The following TENM4 variants were observed in gnomAD, a reference collection of about 807,000 sequenced individuals.
TENM4 encodes teneurin-4.
Under a neutral mutation model 243.3 loss-of-function variants are expected in TENM4, and 82 were observed. The ratio of observed to expected loss-of-function variants is 0.34; its 90% CI spans 0.28 to 0.40. The LOEUF (loss-of-function observed/expected upper bound fraction) is 0.40, where lower values mean the gene tolerates loss of function less well. Ranked by LOEUF, TENM4 falls within the 10% of genes least tolerant of loss-of-function variation. The probability of loss-of-function intolerance (pLI) is 1.00; values close to 1 mark genes in which losing one functional copy is unlikely to be tolerated. For synonymous variants in TENM4, 1,412 were observed against 1,456.3 expected (o/e 0.97, Z 0.69); for missense variants, 3,138 against 3,673.3 (o/e 0.85, Z 3.77).
intron 4 of TENM4, among the ~76,000 whole-genome samples, chr11:79,075,087 C>T (rs975809812): frequency 2.6e-5 from 4 of 152,216 alleles, no homozygotes; most frequent in Non-Finnish European, 4.4e-5. Context: ...CAATCATCAT[C>T]GTCATTGAAC....
chr11:79,280,287 A>G (rs1291573644), intron 2 of TENM4, among the ~76,000 whole-genome samples: 1 of 152,192 alleles, frequency 6.6e-6, no homozygotes, highest in Non-Finnish European at 1.5e-5. Flanking sequence ...AAAGAGCTCC[A>G]AAAGGCCTAC....
chr11:79,321,578 C>G (rs952887228), intron 1 of TENM4, among the ~76,000 whole-genome samples: 9 of 144,918 alleles, frequency 6.2e-5, no homozygotes, highest in African/African-American at 2.3e-4. Flanking sequence ...AGCAGGCGAT[C>G]TCAGTTCAAA....
chr11:78,753,332 A>T (rs914518325), intron 19 of TENM4, among the ~76,000 whole-genome samples: 3 of 152,212 alleles, frequency 2.0e-5, no homozygotes, highest in African/African-American at 7.2e-5. Flanking sequence ...AGGTTAAATC[A>T]TTTCCCTGAG....
intron 1 of TENM4, among the ~76,000 whole-genome samples, chr11:79,321,108 C>T (rs1434329638): frequency 6.6e-6 from 1 of 152,162 alleles, no homozygotes; most frequent in African/African-American, 2.4e-5. Context: ...GCTGGCTGTA[C>T]AACATTAGAC....
rs76645822 is a variant in TENM4 at position 78,913,394 on chromosome 11, A to G, written c.494-9871T>C. On this transcript the variant is annotated intron_variant, in intron 6 of 33. Coordinates refer to ENST00000278550, the MANE Select transcript of TENM4 (RefSeq NM_001098816.3). Reference sequence around the variant, plus strand: ...GAGGGGTGGGATCTTTTCTGGATACATGCTTTCCCCCAACTTAAAGCTGTG... The same window carrying G: ...GAGGGGTGGGATCTTTTCTGGATACGTGCTTTCCCCCAACTTAAAGCTGTG... Among the ~76,000 whole-genome samples, 812 of 152,294 alleles carry G rather than the reference A, an allele frequency of 5.3e-3. 7 individuals are homozygous for G. The highest frequency in any genetic ancestry group is 0.018 in the African/African-American group (751 of 41,566).
chr11:79,355,430 G>A (rs539523722), intron 1 of TENM4, among the ~76,000 whole-genome samples: 92 of 152,258 alleles, frequency 6.0e-4, no homozygotes, highest in African/African-American at 2.1e-3. Context: ...CTACTCGGGA[G>A]GCTGAGGCAA....
intron 22 of TENM4, among the ~76,000 whole-genome samples, chr11:78,726,999 A>C (rs533573689): frequency 6.6e-6 from 1 of 152,326 alleles, no homozygotes; most frequent in South Asian, 2.1e-4. Context: ...CTAAAGGTTC[A>C]AGAGGGGTGA....
intron 22 of TENM4, 63 bp from the exon 23 acceptor site, chr11:78,726,285 C>T (rs548846547): frequency 2.2e-4 from 350 of 1,556,152 alleles, no homozygotes; most frequent in Non-Finnish European, 2.9e-4. Context: ...GGCCTTTAGA[C>T]CTGTAGGCAA....
At chr11:79,216,152 C>G (rs868040350) in intron 2 of TENM4, among the ~76,000 whole-genome samples, 1 of 152,216 alleles carries the variant, frequency 6.6e-6, no homozygotes, top group Non-Finnish European at 1.5e-5. Flanking sequence ...GTTCTCCCAT[C>G]TCATCTTGTG....
At chr11:79,334,907 A>C (rs1276946991) in intron 1 of TENM4, among the ~76,000 whole-genome samples, 1 of 152,120 alleles carries the variant, frequency 6.6e-6, no homozygotes, top group Non-Finnish European at 1.5e-5. Context: ...CCAACTTCCC[A>C]TGATTTCTTT....
At chr11:78,922,425 T>G (rs1856466896) in intron 6 of TENM4, among the ~76,000 whole-genome samples, 1 of 152,208 alleles carries the variant, frequency 6.6e-6, no homozygotes, top group Non-Finnish European at 1.5e-5. Flanking sequence ...AAATACTTCT[T>G]TAAATCTCTG....
chr11:78,814,496 G>T, intron 12 of TENM4, 101 bp from the exon 13 acceptor site: 1 of 921,608 alleles, frequency 1.1e-6, no homozygotes, highest in Non-Finnish European at 1.7e-6. Flanking sequence ...ACATATTTGA[G>T]CTCTTGTGGC....
chr11:78,668,545 C>G (rs770074512), intron 32 of TENM4, among the ~76,000 whole-genome samples: 35 of 152,134 alleles, frequency 2.3e-4, no homozygotes, highest in Middle Eastern at 6.8e-3. Context: ...GTCAGAAACT[C>G]CTAAAGTGCA....
intron 27 of TENM4, among the ~76,000 whole-genome samples, chr11:78,706,533 C>T (rs935898647): frequency 2.0e-5 from 3 of 152,118 alleles, no homozygotes; most frequent in Admixed American, 6.5e-5. Context: ...AAATAGATGC[C>T]AGTATTGGAG....
chr11:79,350,744 C>G (rs1282854090), intron 1 of TENM4, among the ~76,000 whole-genome samples: 1 of 152,036 alleles, frequency 6.6e-6, no homozygotes, highest in Non-Finnish European at 1.5e-5. Context: ...CTGGCCCTGT[C>G]ACAGTCTTCT....
intron 7 of TENM4, among the ~76,000 whole-genome samples, chr11:78,895,284 C>T (rs1421929347): frequency 2.0e-5 from 3 of 151,004 alleles, no homozygotes; most frequent in African/African-American, 4.9e-5. Flanking sequence ...TGCAGTGAGC[C>T]GGCGATTATG....
intron 19 of TENM4, among the ~76,000 whole-genome samples, chr11:78,754,779 T>C (rs1334488315): frequency 6.6e-6 from 1 of 152,170 alleles, no homozygotes; most frequent in African/African-American, 2.4e-5. Context: ...ACTAGCCTTG[T>C]GAATTTGGGA....
intron 3 of TENM4, among the ~76,000 whole-genome samples, chr11:79,166,103 A>G (rs1862907985): frequency 6.6e-6 from 1 of 152,212 alleles, no homozygotes; most frequent in Non-Finnish European, 1.5e-5. Flanking sequence ...GTTCTACTGC[A>G]TGTCTCAGCC....
chr11:79,008,712 T>C (rs970593268), intron 6 of TENM4, among the ~76,000 whole-genome samples: 3 of 152,214 alleles, frequency 2.0e-5, no homozygotes, highest in Admixed American at 2.0e-4. Flanking sequence ...AATGACATCA[T>C]GAACATCTGG....
Sources: allele counts gnomAD v4.1 joint callset (sites outside exome capture counted in the v4.1 genomes callset), GRCh38; gene constraint gnomAD v4.1.1; transcripts MANE v1.5; gene names NCBI Gene and HGNC (gene_info 2026-07-23, HGNC 2026-07-21).